Variants in DEPTOR observed in about 807,000 individuals in gnomAD.
DEPTOR encodes the protein DEP domain containing MTOR interacting protein, also known as DEP domain-containing mTOR-interacting protein.
DEPTOR carries 41 observed loss-of-function variants against 41.6 expected under a neutral mutation model. The ratio of observed to expected loss-of-function variants is 0.98; its 90% CI spans 0.77 to 1.28. DEPTOR has a LOEUF of 1.28. Among genes scored for constraint, DEPTOR ranks in the 50% most tolerant of loss-of-function variants. The probability of loss-of-function intolerance (pLI) is 0.00; values close to 1 mark genes in which losing one functional copy is unlikely to be tolerated. For missense variants in DEPTOR, 514 were observed against 527.9 expected, an observed-to-expected ratio of 0.97 and a Z score of 0.26; for synonymous variants, 195 against 192.3, an observed-to-expected ratio of 1.01 and a Z score of -0.12.
At chr8:120,032,112 C>A (rs933210143) in intron 8 of DEPTOR, among the ~76,000 whole-genome samples, 2 of 152,040 alleles carry the variant, frequency 1.3e-5, no homozygotes, top group Non-Finnish European at 2.9e-5. Flanking sequence ...GTATTAATAA[C>A]TTCCTTTTCT....
intron 8 of DEPTOR, among the ~76,000 whole-genome samples, chr8:120,045,040 T>C (rs906419421): frequency 2.6e-5 from 4 of 152,208 alleles, no homozygotes; most frequent in South Asian, 4.1e-4. Flanking sequence ...ATGGGCTTTT[T>C]CTCCAGAACA....
At chr8:120,038,707 A>G (rs1033516602) in intron 8 of DEPTOR, among the ~76,000 whole-genome samples, 7 of 152,272 alleles carry the variant, frequency 4.6e-5, no homozygotes, top group East Asian at 1.9e-4. Flanking sequence ...ATCTGTGCCT[A>G]TTTGGGGGAA....
At chr8:119,929,106 C>G (rs1488896693) in intron 2 of DEPTOR, among the ~76,000 whole-genome samples, 2 of 152,084 alleles carry the variant, frequency 1.3e-5, no homozygotes, top group Non-Finnish European at 2.9e-5. Flanking sequence ...AATTATGCCA[C>G]TATACATTTT....
intron 3 of DEPTOR, among the ~76,000 whole-genome samples, chr8:119,959,441 A>T (rs900619700): frequency 1.3e-5 from 2 of 151,866 alleles, no homozygotes; most frequent in African/African-American, 4.8e-5. Flanking sequence ...GATTACAGGC[A>T]TGAGCCACTG....
At chr8:119,888,505 C>T (rs890626817) in intron 1 of DEPTOR, among the ~76,000 whole-genome samples, 1 of 152,066 alleles carries the variant, frequency 6.6e-6, no homozygotes, top group Admixed American at 6.6e-5. Context: ...TTTCTCAGTG[C>T]CTCATCACTA....
rs367877961 is a variant in DEPTOR, at chr8:119,980,663, A to G, written c.604+15253A>G. ...CTCCCAAGCAGCTGGGATTACAGGC[A>G]TGTGCCACCACAGCCTGCTAATTTT... is the stretch of plus-strand genomic sequence containing the variant. On this transcript the variant is annotated intron_variant, in intron 4 of 8. Transcript: ENST00000286234. 1.3e-4 allele frequency among the ~76,000 whole-genome samples: 19 copies of G among 151,800 alleles called. No individual in the cohort carries two copies. The East Asian group carries it at 2.1e-3, about 17-fold the overall frequency.
At chr8:119,918,938 A>AGTGTGT (rs751715374) in intron 1 of DEPTOR, among the ~76,000 whole-genome samples, 2,036 of 133,536 alleles carry the variant, frequency 0.015, 25 homozygotes, top group African/African-American at 0.025. Context: ...TTGCATAGTG[A>AGTGTGT]GTGTGTGTGT....
At chr8:119,940,331 C>T (rs972164832) in intron 3 of DEPTOR, among the ~76,000 whole-genome samples, 5 of 152,084 alleles carry the variant, frequency 3.3e-5, no homozygotes, top group African/African-American at 1.2e-4. Context: ...ATTGGCACAC[C>T]CATATTTCTA....
intron 8 of DEPTOR, among the ~76,000 whole-genome samples, chr8:120,014,516 T>C (rs557190312): frequency 6.6e-6 from 1 of 152,276 alleles, no homozygotes; most frequent in South Asian, 2.1e-4. Flanking sequence ...AGCCAGTTCC[T>C]TCCCCAAGCT....
chr8:119,920,980 GT>G (rs577020017), intron 1 of DEPTOR, among the ~76,000 whole-genome samples: 111 of 130,912 alleles, frequency 8.5e-4, no homozygotes, highest in South Asian at 6.4e-3. Context: ...TAGCACTGAG[GT>G]TTTTTTTTTT....
In DEPTOR at chr8:119,898,033, T is replaced by C. The variant is rs930704528; in HGVS notation, c.122+24065T>C. 2.4e-4 allele frequency among the ~76,000 whole-genome samples: 36 copies of C among 152,228 alleles called. 1 individual carries two copies. The highest frequency in any genetic ancestry group is 8.0e-4 in the African/African-American group (33 of 41,460). The stretch of plus-strand genomic sequence containing the variant: ...TTTAAATGTAGAGATGTTTAAATTA[T>C]AGATGCCAATGTGAGGGATAGGCAA... On this transcript the variant is annotated intron_variant, in intron 1 of 8. Coordinates refer to ENST00000286234, the MANE Select transcript of DEPTOR (RefSeq NM_022783.4).
At chr8:119,882,950 C>A (rs114944226) in intron 1 of DEPTOR, among the ~76,000 whole-genome samples, 1 of 152,056 alleles carries the variant, frequency 6.6e-6, no homozygotes, top group South Asian at 2.1e-4. Flanking sequence ...AAGTTTATGG[C>A]AGTGATTGTT....
chr8:120,016,307 T>C (rs1204099505), intron 8 of DEPTOR, among the ~76,000 whole-genome samples: 1 of 150,738 alleles, frequency 6.6e-6, no homozygotes, highest in African/African-American at 2.4e-5. Flanking sequence ...TTTTTTTTCC[T>C]TTTTTTTTGA....
chr8:119,896,530 C>T (rs1207060276), intron 1 of DEPTOR, among the ~76,000 whole-genome samples: 1 of 151,986 alleles, frequency 6.6e-6, no homozygotes, highest in Admixed American at 6.6e-5. Context: ...GCCTGAGTCT[C>T]GCTCTGTTGC....
At chr8:119,923,470 G>T (rs1827924611) in intron 1 of DEPTOR, among the ~76,000 whole-genome samples, 1 of 152,036 alleles carries the variant, frequency 6.6e-6, no homozygotes, top group South Asian at 2.1e-4. Flanking sequence ...TTGAACTCCT[G>T]AGGTCAAGTT....
At chr8:119,977,144 G>T (rs1828705231) in intron 4 of DEPTOR, among the ~76,000 whole-genome samples, 1 of 152,122 alleles carries the variant, frequency 6.6e-6, no homozygotes, top group Non-Finnish European at 1.5e-5. Context: ...AGAATTACAG[G>T]CACGTGCCAC....
At chr8:120,010,651 T>C (rs1034872604) in intron 8 of DEPTOR, among the ~76,000 whole-genome samples, 5 of 151,272 alleles carry the variant, frequency 3.3e-5, no homozygotes, top group African/African-American at 4.9e-5. Context: ...AACACACATA[T>C]ACAGTCAAGA....
chr8:119,990,424 G>A (rs201250003), intron 4 of DEPTOR, among the ~76,000 whole-genome samples: 1 of 142,766 alleles, frequency 7.0e-6, no homozygotes, highest in African/African-American at 2.9e-5. Context: ...CCCAAAGTGC[G>A]GGATTACAGG....
intron 4 of DEPTOR, among the ~76,000 whole-genome samples, chr8:119,997,651 C>T (rs1482768811): frequency 6.6e-6 from 1 of 152,158 alleles, no homozygotes; most frequent in Non-Finnish European, 1.5e-5. Context: ...GTGGAATACC[C>T]ATATGGATTA....
Sources: allele counts gnomAD v4.1 joint callset (sites outside exome capture counted in the v4.1 genomes callset), GRCh38; gene constraint gnomAD v4.1.1; transcripts MANE v1.5; gene names NCBI Gene and HGNC (gene_info 2026-07-23, HGNC 2026-07-21).